The following RPP30 variants were observed in gnomAD, a reference collection of about 807,000 sequenced individuals.
RPP30 encodes ribonuclease P/MRP subunit p30, also known as ribonuclease P protein subunit p30.
In RPP30, 36 loss-of-function variants were observed where a neutral mutation model predicts 38.6. The ratio of observed to expected loss-of-function variants is 0.93; its 90% CI spans 0.71 to 1.23. RPP30 has a LOEUF of 1.23. Ranked by LOEUF, RPP30 falls within the 50% of genes most tolerant of loss-of-function variation. RPP30 has a pLI of 0.00. For synonymous variants in RPP30, 126 were observed against 112.7 expected (o/e 1.12, Z -0.75); for missense variants, 321 against 321.7 (o/e 1.00, Z 0.02).
At chr10:90,875,896 G>C in intron 3 of RPP30, 128 bp from the exon 4 acceptor site, 1 of 638,972 alleles carries the variant, frequency 1.6e-6, no homozygotes, top group East Asian at 2.7e-5. Context: ...TAGAGAACAA[G>C]GACTGGGTTT....
Position 90,875,078 on chromosome 10 carries a change from A to G in RPP30, c.138+154A>G, listed in dbSNP as rs569490349. 5.9e-5 allele frequency among the ~76,000 whole-genome samples: 9 copies of G among 152,312 alleles called. No individual in the cohort carries two copies. In the East Asian group the frequency reaches 1.7e-3, roughly 29 times the overall value. On this transcript the variant is annotated intron_variant, in intron 2 of 10. Coordinates refer to ENST00000371703, the MANE Select transcript of RPP30 (RefSeq NM_006413.5). ...ATTTTATATAGAAACAGTCGAGCTG[A>G]TGCATATTTATACAATGATGATTTT... is the stretch of plus-strand genomic sequence containing the variant.
chr10:90,879,254 A>G (rs1846892568), intron 5 of RPP30, 120 bp downstream of exon 5: 1 of 738,894 alleles, frequency 1.4e-6, no homozygotes, highest in Admixed American at 2.7e-5. Context: ...TGTTATTTAT[A>G]CTTGGAGTTT....
chr10:90,872,869 G>A lies in RPP30; in HGVS notation c.82+801G>A, dbSNP rs182615205. On this transcript the variant is annotated intron_variant, in intron 1 of 10. Coordinates refer to ENST00000371703, the MANE Select transcript of RPP30 (RefSeq NM_006413.5). ...ACTTTTTTATTGTTCTCTTTATGAA[G>A]TATCCGTGGCGAAATGACTGTCCCT... is the stretch of plus-strand genomic sequence containing the variant. 2.0e-5 allele frequency among the ~76,000 whole-genome samples: 3 copies of A among 152,262 alleles called. No individual in the cohort carries two copies. The East Asian group carries it at 5.8e-4, about 29-fold the overall frequency.
chr10:90,907,436 C>T (rs1201033924), downstream of RPP30, among the ~76,000 whole-genome samples: 3 of 152,184 alleles, frequency 2.0e-5, no homozygotes, highest in Admixed American at 6.5e-5. Context: ...AGAAAAGGTA[C>T]AAAAATATTT....
At chr10:90,902,393 AT>A (rs1589504043), downstream of RPP30, 15 of 327,802 alleles carry the variant, frequency 4.6e-5, no homozygotes, top group East Asian at 1.4e-4. Context: ...TAATTTTTGT[AT>A]TTTTTTGTAG....
rs1174693135 is a variant in RPP30 at position 90,876,250 on chromosome 10, C to T, written c.270+152C>T. On this transcript the variant is annotated intron_variant, in intron 4 of 10. Transcript: ENST00000371703. Reference sequence around the variant, plus strand: ...TTGCTCTCCTTGTCCTCAGAATTCACACAGTGTAATATGTCTGTTCCACTT... The same window carrying T: ...TTGCTCTCCTTGTCCTCAGAATTCATACAGTGTAATATGTCTGTTCCACTT... 3 of 593,660 alleles carry T rather than the reference C, an allele frequency of 5.1e-6. No homozygotes were observed. In the African/African-American group the frequency reaches 5.6e-5, roughly 11 times the overall value. The allele number at this position is 593,660 out of a possible 1,614,324, so 36.8% of individuals were successfully genotyped here.
chr10:90,879,070 C>T lies in RPP30; in HGVS notation c.278C>T (p.Thr93Ile). ...TTCTTTTTGTATTCCTAGAGAGCAA[C>T]TTCTTCAAGGGCCCGGCTCTATGAT... ...DPSHCNVLRA[T>I]SSRARLYDVV... Residue 93 changes from threonine (T) to isoleucine (I), a missense_variant, in exon 5 of 11, where the codon ACT (threonine) becomes ATT (isoleucine). Transcript: ENST00000371703. 4 of 1,613,684 alleles carry T rather than the reference C, an allele frequency of 2.5e-6. No homozygotes were observed. Among genetic ancestry groups the T allele is most frequent in the Non-Finnish European group, 3.4e-6 (4 of 1,179,854 alleles).
At chr10:90,872,750 G>A (rs1197954785) in intron 1 of RPP30, among the ~76,000 whole-genome samples, 2 of 152,202 alleles carry the variant, frequency 1.3e-5, no homozygotes, top group African/African-American at 4.8e-5. Flanking sequence ...GCTCCTCAGA[G>A]ACAGTTTTCA....
At chr10:90,877,450 A>G (rs1465282510) in intron 4 of RPP30, among the ~76,000 whole-genome samples, 2 of 152,126 alleles carry the variant, frequency 1.3e-5, no homozygotes, top group Non-Finnish European at 2.9e-5. Context: ...GAGGTTTAGT[A>G]CAGAGTCCTA....
chr10:90,901,066 C>T lies in RPP30; in HGVS notation c.*387C>T, dbSNP rs1847194439. On this transcript the variant is annotated 3_prime_UTR_variant, in exon 11 of 11. Transcript: ENST00000371703. ...ATCACAGCTCACTGCAACCTCAATC[C>T]TGGGCTCAAGTGATCCTCCCGCTTC... is the stretch of plus-strand genomic sequence containing the variant. The T allele has an allele frequency of 2.1e-6, 1 of 485,936 alleles. No homozygotes were observed. Among genetic ancestry groups the T allele is most frequent in the South Asian group, 9.1e-5 (1 of 11,014 alleles). 30.1% of individuals were successfully genotyped at this position (485,936 alleles called of 1,614,324 possible). A position where few individuals can be genotyped will look rare whatever the true frequency, so the allele number is the denominator to read the frequency against.
chr10:90,874,885 T>C lies in RPP30; in HGVS notation c.99T>C (p.Val33=). 1 of 1,596,724 alleles carries C rather than the reference T, an allele frequency of 6.3e-7. No individual in the cohort carries two copies. Among genetic ancestry groups the C allele is most frequent in the East Asian group, 2.2e-5 (1 of 44,468 alleles). ...CTTTTTCAGTTGGCTATTCAGTTGT[T>C]GCTATCAATCATATCGTTGACTTTA... ...ETAAHLGYSV[V]AINHIVDFKE... The change falls in exon 2 of 11, where the codon GTT becomes GTC. Residue 33 remains valine, a synonymous_variant. Coordinates refer to ENST00000371703, the MANE Select transcript of RPP30 (RefSeq NM_006413.5).
At chr10:90,900,432 T>G (rs1847186824) in intron 10 of RPP30, 138 bp from the exon 11 acceptor site, 1 of 743,624 alleles carries the variant, frequency 1.3e-6, no homozygotes, top group African/African-American at 1.8e-5. Context: ...ATAATGACGG[T>G]AAATGGCACT....
intron 5 of RPP30, among the ~76,000 whole-genome samples, chr10:90,881,788 T>C (rs1467965694): frequency 6.6e-6 from 1 of 152,222 alleles, no homozygotes; most frequent in Non-Finnish European, 1.5e-5. Flanking sequence ...AAGTTGATTA[T>C]CTAGAATTCT....
chr10:90,895,437 CA>C lies in RPP30; in HGVS notation c.550-16del. ...ACATTTATCTAAGATTAATATTAGTCACTTTCTATTTTGTAGAATGTAATTA... is the reference window on the plus strand; with the variant it reads ...ACATTTATCTAAGATTAATATTAGTCCTTTCTATTTTGTAGAATGTAATTA... On this transcript the variant is annotated splice_polypyrimidine_tract_variant and intron_variant, in intron 7 of 10. Transcript: ENST00000371703. The C allele has an allele frequency of 7.7e-7, 1 of 1,306,082 alleles. No individual in the cohort carries two copies. Among genetic ancestry groups the C allele is most frequent in the Non-Finnish European group, 1.0e-6 (1 of 961,114 alleles). The allele number at this position is 1,306,082 out of a possible 1,614,324, so 80.9% of individuals were successfully genotyped here.
chr10:90,876,199 C>T (rs1026394416), intron 4 of RPP30, 101 bp downstream of exon 4: 11 of 724,126 alleles, frequency 1.5e-5, no homozygotes, highest in East Asian at 5.4e-5. Flanking sequence ...CATTTTCCCT[C>T]GCCCCCGCCA....
intron 6 of RPP30, among the ~76,000 whole-genome samples, chr10:90,892,188 GC>G (rs924706243): frequency 6.6e-6 from 1 of 152,108 alleles, no homozygotes; most frequent in African/African-American, 2.4e-5. Context: ...GAGAACAAAA[GC>G]TAATCAGGCA....
downstream of RPP30, chr10:90,905,271 G>C (rs1847241576): frequency 6.6e-6 from 1 of 152,130 alleles, no homozygotes; most frequent in South Asian, 2.1e-4. Flanking sequence ...CAGATGTTGG[G>C]TACTAATGAC....
chr10:90,897,991 G>T (rs1847162280), intron 10 of RPP30, among the ~76,000 whole-genome samples: 2 of 151,938 alleles, frequency 1.3e-5, no homozygotes, highest in African/African-American at 4.8e-5. Context: ...TATTGACTAT[G>T]GTCACCCTCT....
intron 6 of RPP30, among the ~76,000 whole-genome samples, chr10:90,891,535 A>AATCCCAC (rs1847081481): frequency 6.6e-6 from 1 of 152,186 alleles, no homozygotes; most frequent in Non-Finnish European, 1.5e-5. Context: ...TATGCCTAGC[A>AATCCCAC]ATCCCACTTT....
Sources: gnomAD v4.1 joint callset for allele counts (sites outside exome capture counted in the v4.1 genomes callset) on GRCh38, gnomAD v4.1.1 for gene constraint, MANE v1.5 for transcripts, NCBI Gene and HGNC (gene_info 2026-07-23, HGNC 2026-07-21) for gene names.